RIN3: variants seen among roughly 807,000 people sequenced by gnomAD.
RIN3 encodes RAB5 interacting protein 3.
RIN3 carries 54 observed loss-of-function variants against 76.3 expected under a neutral mutation model. That is an observed-to-expected ratio of 0.71 (90% confidence interval 0.57 to 0.89). RIN3 has a LOEUF of 0.89. RIN3 is among the 40% of genes least tolerant of loss of function. The pLI is 0.00. For missense variants in RIN3, 1,256 were observed against 1,322.1 expected, an observed-to-expected ratio of 0.95 and a Z score of 0.78; for synonymous variants, 576 against 564.0, an observed-to-expected ratio of 1.02 and a Z score of -0.30.
At chr14:92,607,181 T>C (rs1440504046) in intron 3 of RIN3, among the ~76,000 whole-genome samples, 2 of 152,160 alleles carry the variant, frequency 1.3e-5, no homozygotes. Context: ...ATTTGAGAAA[T>C]GCAAATTAAA....
At chr14:92,599,050 A>T (rs2140085884) in intron 3 of RIN3, among the ~76,000 whole-genome samples, 1 of 152,290 alleles carries the variant, frequency 6.6e-6, no homozygotes, top group Non-Finnish European at 1.5e-5. Flanking sequence ...GCATCCAGGG[A>T]GAGTCCAGTG....
chr14:92,595,991 G>A (rs1182003613), intron 3 of RIN3, among the ~76,000 whole-genome samples: 1 of 152,178 alleles, frequency 6.6e-6, no homozygotes, highest in Admixed American at 6.5e-5. Flanking sequence ...TGTTTTCTGT[G>A]TCTCTTTGTG....
intron 1 of RIN3, among the ~76,000 whole-genome samples, chr14:92,521,026 T>C (rs1277102235): frequency 6.6e-6 from 1 of 152,194 alleles, no homozygotes; most frequent in African/African-American, 2.4e-5. Flanking sequence ...CAAGGACTCT[T>C]CTCGCAATGG....
chr14:92,561,119 TTA>T (rs929657250), intron 2 of RIN3, among the ~76,000 whole-genome samples: 7 of 113,364 alleles, frequency 6.2e-5, no homozygotes, highest in Non-Finnish European at 1.2e-4. Flanking sequence ...TTATATATAT[TTA>T]TATATATTTA....
At chr14:92,634,034 G>A (rs981687803) in intron 4 of RIN3, among the ~76,000 whole-genome samples, 5 of 151,450 alleles carry the variant, frequency 3.3e-5, no homozygotes, top group African/African-American at 9.7e-5. Context: ...TCCAGAGTGT[G>A]GGGGAAATGT....
intron 4 of RIN3, among the ~76,000 whole-genome samples, chr14:92,634,356 A>G (rs1408535227): frequency 1.3e-5 from 2 of 152,140 alleles, no homozygotes; most frequent in African/African-American, 4.8e-5. Context: ...CTGAGATTAC[A>G]GGCATGAGCC....
chr14:92,608,090 G>A (rs970133293), intron 3 of RIN3, among the ~76,000 whole-genome samples: 2 of 152,232 alleles, frequency 1.3e-5, no homozygotes, highest in Non-Finnish European at 2.9e-5. Flanking sequence ...TATCTTGATT[G>A]TGGTGACTGT....
intron 8 of RIN3, among the ~76,000 whole-genome samples, chr14:92,682,736 T>C (rs964887641): frequency 3.3e-5 from 5 of 152,236 alleles, no homozygotes; most frequent in East Asian, 3.8e-4. Flanking sequence ...CTCCTGCCTC[T>C]ACCCAAGCTG....
Position 92,629,982 on chromosome 14 carries a change from A to C in RIN3, c.441-11256A>C, listed in dbSNP as rs563998179. On this transcript the variant is annotated intron_variant, in intron 4 of 9. Coordinates refer to ENST00000216487, the MANE Select transcript of RIN3 (RefSeq NM_024832.5). ...ATGTTATGACACGTTAGGCTCTCAGAGAGGCAGGTTCCAAGCTCCTAACCA... is the reference window on the plus strand; with the variant it reads ...ATGTTATGACACGTTAGGCTCTCAGCGAGGCAGGTTCCAAGCTCCTAACCA... Among the ~76,000 whole-genome samples the C allele has an allele frequency of 5.9e-5, 9 of 152,352 alleles. No individual in the cohort carries two copies. In the South Asian group the frequency reaches 1.9e-3, roughly 32 times the overall value.
At chr14:92,627,750 C>T (rs1886410188) in intron 4 of RIN3, among the ~76,000 whole-genome samples, 1 of 152,188 alleles carries the variant, frequency 6.6e-6, no homozygotes, top group African/African-American at 2.4e-5. Context: ...CACGTCTCCC[C>T]CTGGGAGATG....
chr14:92,522,691 T>A (rs187396167), intron 1 of RIN3, among the ~76,000 whole-genome samples: 311 of 152,280 alleles, frequency 2.0e-3, no homozygotes, highest in Non-Finnish European at 3.6e-3. Flanking sequence ...TTCCTTGAGA[T>A]CTGTCACCAT....
intron 8 of RIN3, among the ~76,000 whole-genome samples, chr14:92,682,018 C>T: frequency 6.6e-6 from 1 of 152,128 alleles, no homozygotes; most frequent in East Asian, 1.9e-4. Flanking sequence ...TCCAGAGTAG[C>T]TGGGATTACA....
At chr14:92,639,962 CTG>C (rs1489090735) in intron 4 of RIN3, among the ~76,000 whole-genome samples, 12 of 147,016 alleles carry the variant, frequency 8.2e-5, no homozygotes, top group African/African-American at 7.6e-5. Flanking sequence ...AGATGCCTGA[CTG>C]TGTGTTCGTC....
chr14:92,677,563 G>A (rs559180106), intron 8 of RIN3, among the ~76,000 whole-genome samples: 29 of 152,126 alleles, frequency 1.9e-4, no homozygotes, highest in African/African-American at 7.0e-4. Context: ...AAGCCATGAC[G>A]TTTGCTGTCA....
intron 1 of RIN3, among the ~76,000 whole-genome samples, chr14:92,551,875 C>A (rs774386692): frequency 2.6e-5 from 4 of 152,334 alleles, no homozygotes; most frequent in Non-Finnish European, 4.4e-5. Context: ...AATTGTGATG[C>A]AGTCTAACTT....
intron 7 of RIN3, among the ~76,000 whole-genome samples, chr14:92,660,299 T>C (rs543926194): frequency 6.6e-6 from 1 of 152,314 alleles, no homozygotes; most frequent in African/African-American, 2.4e-5. Flanking sequence ...CCAGATAGTC[T>C]GGGATGGCGT....
intron 7 of RIN3, among the ~76,000 whole-genome samples, chr14:92,662,153 C>A (rs1432457653): frequency 4.6e-5 from 7 of 152,238 alleles, no homozygotes; most frequent in African/African-American, 1.7e-4. Context: ...AAGACCCCCT[C>A]ATGGCCTGGC....
At chr14:92,517,522 A>G (rs929229641) in intron 1 of RIN3, among the ~76,000 whole-genome samples, 1 of 152,144 alleles carries the variant, frequency 6.6e-6, no homozygotes, top group East Asian at 1.9e-4. Context: ...GCCCCCAGCT[A>G]TCTGATCCTA....
At chr14:92,583,551 A>G (rs1220805885) in intron 3 of RIN3, among the ~76,000 whole-genome samples, 1 of 152,276 alleles carries the variant, frequency 6.6e-6, no homozygotes, top group African/African-American at 2.4e-5. Flanking sequence ...GATCAAAAAT[A>G]TTCAAAGAAA....
Sources: gnomAD v4.1 joint callset for allele counts (sites outside exome capture counted in the v4.1 genomes callset) on GRCh38, gnomAD v4.1.1 for gene constraint, MANE v1.5 for transcripts, NCBI Gene and HGNC (gene_info 2026-07-23, HGNC 2026-07-21) for gene names.